Variants in GKN2 observed in about 807,000 individuals in gnomAD.
GKN2 encodes the protein gastrokine-2.
A neutral mutation model predicts 22.7 loss-of-function variants in GKN2; 17 were observed. That is an observed-to-expected ratio of 0.75 (90% CI 0.51 to 1.13). The LOEUF (loss-of-function observed/expected upper bound fraction) is 1.13, where lower values mean the gene tolerates loss of function less well. GKN2 is among the 50% of genes most tolerant of loss of function. The probability of loss-of-function intolerance (pLI) is 0.00; values close to 1 mark genes in which losing one functional copy is unlikely to be tolerated. For missense variants in GKN2, 248 were observed against 221.4 expected (o/e 1.12, Z -0.76); for synonymous variants, 82 against 79.6 (o/e 1.03, Z -0.16).
chr2:68,946,317 C>T lies in GKN2; in HGVS notation c.459G>A (p.Val153=). The change falls in exon 5 of 6, where the codon GTG becomes GTA. Residue 153 remains valine (V), a synonymous_variant. Transcript: ENST00000328895. ...ATTGGTACTCACGTGTGTTTTCAAC[C>T]ACTTCCCCCTTATACAAAGGGATAT... is the stretch of plus-strand genomic sequence containing the variant. ...CKHIPLYKGE[V]VENTHNVGAG... 2.5e-6 allele frequency: 4 copies of T among 1,607,624 alleles called. No individual in the cohort carries two copies. Among genetic ancestry groups the T allele is most frequent in the Non-Finnish European group, 3.4e-6 (4 of 1,178,242 alleles).
rs1418541073 is a variant in GKN2, at chr2:68,947,127, CAA to C, written c.315+18_315+19del. 6 of 1,462,792 alleles carry C rather than the reference CAA, an allele frequency of 4.1e-6. No individual in the cohort carries two copies. The African/African-American group carries it at 8.3e-5, about 20-fold the overall frequency. 90.6% of individuals were successfully genotyped at this position (1,462,792 alleles called of 1,614,324 possible). On this transcript the variant is annotated intron_variant, in intron 4 of 5. Transcript: ENST00000328895. ...GCCTGGCTTAAGAACAGAGAATACT[CAA>C]GAGTGCCCCAGAATTACCTGTTTCT... is the stretch of plus-strand genomic sequence containing the variant.
Position 68,950,760 on chromosome 2 carries a change from A to G in GKN2, c.13-5T>C, listed in dbSNP as rs1669843167. ...CAGCACCACCAGAAATGCCACCTGA[A>G]AAACAGACCCACCACATCCATTCTT... On this transcript the variant is annotated splice_polypyrimidine_tract_variant and splice_region_variant and intron_variant, in intron 1 of 5. Coordinates refer to ENST00000328895, the MANE Select transcript of GKN2 (RefSeq NM_182536.3). 6 of 1,613,950 alleles carry G rather than the reference A, an allele frequency of 3.7e-6. No homozygotes were observed. Among genetic ancestry groups the G allele is most frequent in the East Asian group, 2.2e-5 (1 of 44,890 alleles).
chr2:68,946,581 C>G, intron 4 of GKN2, 121 bp from the exon 5 acceptor site: 1 of 752,448 alleles, frequency 1.3e-6, no homozygotes, highest in Admixed American at 3.1e-5. Context: ...TTAGGGATCT[C>G]AAGACATCAT....
chr2:68,947,177 G>C lies in GKN2; in HGVS notation c.285C>G (p.Asn95Lys). 2 of 1,613,006 alleles carry C rather than the reference G, an allele frequency of 1.2e-6. No homozygotes were observed. The highest frequency in any genetic ancestry group is 1.7e-5 in the Admixed American group (1 of 60,012). ...KMDHQNIPPL[N>K]NLQWYIYEKQ... The stretch of plus-strand genomic sequence containing the variant: ...TCTCATAGATGTACCATTGGAGATT[G>C]TTCAGAGGAGGGATGTTCTGATGGT... The change falls in exon 4 of 6, where the codon AAC becomes AAG. Residue 95 changes from asparagine (N) to lysine (K), a missense_variant. Coordinates refer to ENST00000328895, the MANE Select transcript of GKN2 (RefSeq NM_182536.3).
intron 5 of GKN2, 60 bp from the exon 6 acceptor site, chr2:68,945,510 A>G: frequency 8.0e-7 from 1 of 1,245,194 alleles, no homozygotes; most frequent in Middle Eastern, 1.9e-4. Context: ...TGGAATTATT[A>G]GAATAATAAT....
At position 68,947,187 on chromosome 2, in the gene GKN2, G is replaced by A. The variant is rs1303446092; in HGVS notation, c.275C>T (p.Pro92Leu). The A allele has an allele frequency of 1.9e-6, 3 of 1,613,632 alleles. No individual in the cohort carries two copies. In the South Asian group the frequency reaches 3.3e-5, roughly 18 times the overall value. The part of the protein sequence containing the change: ...FILKMDHQNI[P>L]PLNNLQWYIY... ...GTACCATTGGAGATTGTTCAGAGGA[G>A]GGATGTTCTGATGGTCCATCTTCAG... The change falls in exon 4 of 6, where the codon CCT (proline) becomes CTT (leucine). Residue 92 changes from proline (P) to leucine (L), a missense_variant. Transcript: ENST00000328895.
intron 3 of GKN2, 29 bp from the exon 4 acceptor site, chr2:68,947,286 C>A: frequency 7.2e-7 from 1 of 1,398,250 alleles, no homozygotes; most frequent in Non-Finnish European, 1.0e-6. Context: ...AGTTACTGTT[C>A]CTCCCTAGTT....
Position 68,945,380 on chromosome 2 carries a change from G to A in GKN2, c.543C>T (p.Asp181=), listed in dbSNP as rs1312295436. ...AGGGCTAATCATCCTAAACATGAAT[G>A]TCTGCACAGATTGAAATTCCCAAGA... ...LGILGISICA[D]IHV Residue 181 remains aspartate (D), a synonymous_variant, in exon 6 of 6, where the codon GAC becomes GAT. Coordinates refer to ENST00000328895, the MANE Select transcript of GKN2 (RefSeq NM_182536.3). The A allele has an allele frequency of 2.5e-6, 4 of 1,610,418 alleles. No homozygotes were observed. Among genetic ancestry groups the A allele is most frequent in the East Asian group, 4.5e-5 (2 of 44,884 alleles).
intron 5 of GKN2, 28 bp downstream of exon 5, chr2:68,946,276 G>T: frequency 1.3e-6 from 2 of 1,569,616 alleles, no homozygotes; most frequent in South Asian, 1.2e-5. Context: ...GAAAATATTT[G>T]GTGAGTGAAT....
chr2:68,951,428 G>A lies in GKN2; in HGVS notation c.13-673C>T, dbSNP rs148809576. Among the ~76,000 whole-genome samples the A allele has an allele frequency of 1.2e-4, 19 of 152,328 alleles. No homozygotes were observed. In the East Asian group the frequency reaches 3.7e-3, roughly 29 times the overall value. On this transcript the variant is annotated intron_variant, in intron 1 of 5. Transcript: ENST00000328895. ...CTGATATTTTGCTGTAGTTCTGTAA[G>A]AGTCTGTTCCAACATGCTAACCCAG...
intron 1 of GKN2, 119 bp from the exon 2 acceptor site, chr2:68,950,874 A>G (rs1669845075): frequency 2.1e-6 from 2 of 959,736 alleles, no homozygotes; most frequent in African/African-American, 1.6e-5. Context: ...AGAGACACTG[A>G]GTGGCCACAG....
intron 5 of GKN2, 67 bp downstream of exon 5, chr2:68,946,237 A>G (rs1669762189): frequency 1.8e-5 from 25 of 1,426,856 alleles, no homozygotes; most frequent in Non-Finnish European, 2.4e-5. Flanking sequence ...TTGGCACCCA[A>G]CAGAGCACCT....
chr2:68,945,556 T>A, intron 5 of GKN2, 106 bp from the exon 6 acceptor site: 1 of 833,616 alleles, frequency 1.2e-6, no homozygotes, highest in Admixed American at 2.2e-5. Context: ...CTTTTGGAAG[T>A]GCTGGTTGGC....
intron 1 of GKN2, among the ~76,000 whole-genome samples, chr2:68,951,091 T>C (rs1356987522): frequency 6.6e-6 from 1 of 152,162 alleles, no homozygotes; most frequent in Non-Finnish European, 1.5e-5. Context: ...ACTATGGAAA[T>C]ACTCTGGTAT....
At chr2:68,952,811 TCAC>T in intron 1 of GKN2, 36 bp downstream of exon 1, 4 of 1,609,190 alleles carry the variant, frequency 2.5e-6, no homozygotes, top group Non-Finnish European at 3.4e-6. Context: ...CTGCAAGCAG[TCAC>T]CACAAGAGTA....
Position 68,947,240 on chromosome 2 carries a change from C to G in GKN2, c.222G>C (p.Arg74Ser), listed in dbSNP as rs142985268. The G allele has an allele frequency of 8.1e-6, 13 of 1,612,482 alleles. No homozygotes were observed. The South Asian group carries it at 9.9e-5, about 12-fold the overall frequency. ...TAAAGCAGGCTCTTCGGGAGAGCAC[C>G]CTGGATGCAATGTAGCCCTGAGGCA... ...FDYKHGYIASRVLSRRACFIL... is the reference protein window; with the variant it reads ...FDYKHGYIASSVLSRRACFIL... Residue 74 changes from arginine (R) to serine (S), a missense_variant, in exon 4 of 6, where the codon AGG (arginine) becomes AGC (serine). Transcript: ENST00000328895.
Position 68,946,348 on chromosome 2 carries a change from C to T in GKN2, c.428G>A (p.Cys143Tyr), listed in dbSNP as rs948357442. 1 of 1,613,772 alleles carries T rather than the reference C, an allele frequency of 6.2e-7. No individual in the cohort carries two copies. Among genetic ancestry groups the T allele is most frequent in the Non-Finnish European group, 8.5e-7 (1 of 1,179,946 alleles). The change falls in exon 5 of 6, where the codon TGC becomes TAC. Residue 143 changes from cysteine (C) to tyrosine (Y), a missense_variant. Coordinates refer to ENST00000328895, the MANE Select transcript of GKN2 (RefSeq NM_182536.3). ...CCCCTTATACAAAGGGATATGTTTGCAGAGTTTCTCAATGGGTGACCCAAG... is the reference window on the plus strand; with the variant it reads ...CCCCTTATACAAAGGGATATGTTTGTAGAGTTTCTCAATGGGTGACCCAAG... ...FLLGSPIEKLCKHIPLYKGEV... is the reference protein window; with the variant it reads ...FLLGSPIEKLYKHIPLYKGEV...
In GKN2 at chr2:68,950,641, G is replaced by T; in HGVS notation, c.66+61C>A. 4 of 1,466,496 alleles carry T rather than the reference G, an allele frequency of 2.7e-6. No homozygotes were observed. The East Asian group carries it at 9.1e-5, about 33-fold the overall frequency. The allele number at this position is 1,466,496 out of a possible 1,614,324, so 90.8% of individuals were successfully genotyped here. ...CTCTCTACTGTCTTCAGGCTCTCTT[G>T]TACCTTCCCTTTCCTCTCCCAACAT... On this transcript the variant is annotated intron_variant, in intron 2 of 5. Transcript: ENST00000328895.
chr2:68,947,329 G>A, intron 3 of GKN2, 72 bp from the exon 4 acceptor site: 1 of 936,894 alleles, frequency 1.1e-6, no homozygotes, highest in Non-Finnish European at 1.8e-6. Context: ...GATGATGCCT[G>A]AACCTCGGAA....
Sources: gnomAD v4.1 joint callset for allele counts (sites outside exome capture counted in the v4.1 genomes callset) on GRCh38, gnomAD v4.1.1 for gene constraint, MANE v1.5 for transcripts, NCBI Gene and HGNC (gene_info 2026-07-23, HGNC 2026-07-21) for gene names.